POLE2: variants seen among roughly 807,000 people sequenced by gnomAD.
POLE2 encodes DNA polymerase epsilon subunit 2.
In POLE2, 56 loss-of-function variants were observed where a neutral mutation model predicts 79.4. The ratio of observed to expected loss-of-function variants is 0.71; its 90% confidence interval spans 0.57 to 0.88. POLE2 has a LOEUF of 0.88. Ranked by LOEUF, POLE2 falls within the 40% of genes least tolerant of loss-of-function variation. The probability of loss-of-function intolerance (pLI) is 0.00; values close to 1 mark genes in which losing one functional copy is unlikely to be tolerated. For missense variants in POLE2, 598 were observed against 638.9 expected (o/e 0.94, Z 0.69); for synonymous variants, 212 against 214.0 (o/e 0.99, Z 0.08).
intron 3 of POLE2, chr14:49,679,441 A>G (rs961846631): frequency 1.1e-4 from 35 of 304,500 alleles, no homozygotes; most frequent in Non-Finnish European, 1.1e-4. Context: ...ACTCATTTGT[A>G]GCATACAGAA....
At chr14:49,681,030 C>T (rs1387013418) in intron 2 of POLE2, among the ~76,000 whole-genome samples, 2 of 152,140 alleles carry the variant, frequency 1.3e-5, no homozygotes, top group African/African-American at 2.4e-5. Context: ...TCCTGTATCA[C>T]GGAGTATGTT....
Position 49,684,158 on chromosome 14 carries a change from A to G in POLE2, c.69-465T>C, listed in dbSNP as rs1041166564. On this transcript the variant is annotated intron_variant, in intron 1 of 18. Coordinates refer to ENST00000216367, the MANE Select transcript of POLE2 (RefSeq NM_002692.4). ...TCCAATAATCACTGTTTTCAATTGT[A>G]AAATAAGAAAAAAAATAGGCTTGGC... Among the ~76,000 whole-genome samples, 5 of 152,290 alleles carry G rather than the reference A, an allele frequency of 3.3e-5. No individual in the cohort carries two copies. In the South Asian group the frequency reaches 6.2e-4, roughly 19 times the overall value.
At chr14:49,670,850 C>T (rs1885833782) in intron 5 of POLE2, among the ~76,000 whole-genome samples, 1 of 152,166 alleles carries the variant, frequency 6.6e-6, no homozygotes, top group Non-Finnish European at 1.5e-5. Flanking sequence ...AACTGGTGGA[C>T]TTCTAGACTT....
intron 18 of POLE2, among the ~76,000 whole-genome samples, chr14:49,645,016 T>C (rs989415454): frequency 3.8e-5 from 5 of 133,088 alleles, no homozygotes; most frequent in African/African-American, 1.4e-4. Context: ...CACTCTAGCC[T>C]GGGCAACAGA....
intron 3 of POLE2, 121 bp downstream of exon 3, chr14:49,679,604 A>G: frequency 5.4e-6 from 3 of 558,626 alleles, no homozygotes; most frequent in Non-Finnish European, 9.8e-6. Flanking sequence ...AAAGACACAC[A>G]GAAATAACAA....
intron 17 of POLE2, among the ~76,000 whole-genome samples, chr14:49,647,748 G>A (rs978821458): frequency 2.6e-5 from 4 of 152,112 alleles, no homozygotes; most frequent in African/African-American, 9.7e-5. Context: ...ATGAGCCACC[G>A]TGCCCAGCCG....
At chr14:49,657,444 C>CT (rs1371793695) in intron 10 of POLE2, among the ~76,000 whole-genome samples, 4 of 113,578 alleles carry the variant, frequency 3.5e-5, no homozygotes, top group South Asian at 5.7e-4. Flanking sequence ...TTTTTTTTTT[C>CT]TTTTTTTTGA....
chr14:49,650,323 A>G lies in POLE2; in HGVS notation c.1439T>C (p.Ile480Thr). Residue 480 changes from isoleucine to threonine, a missense_variant, in exon 17 of 19, where the codon ATT becomes ACT. Coordinates refer to ENST00000216367, the MANE Select transcript of POLE2 (RefSeq NM_002692.4). Reference sequence around the variant, plus strand: ...AGTGAAAGGATCATATTTGTCTGCAATGACAAGTAGATCGGGCACAGGATA... The same window carrying G: ...AGTGAAAGGATCATATTTGTCTGCAGTGACAAGTAGATCGGGCACAGGATA... ...RVYPVPDLLV[I>T]ADKYDPFTTT... 1.2e-6 allele frequency: 2 copies of G among 1,611,366 alleles called. No homozygotes were observed. The highest frequency in any genetic ancestry group is 1.3e-5 in the African/African-American group (1 of 74,960).
chr14:49,657,043 A>G (rs1884733588), intron 10 of POLE2, among the ~76,000 whole-genome samples: 1 of 150,634 alleles, frequency 6.6e-6, no homozygotes, highest in Non-Finnish European at 1.5e-5. Context: ...AACCTAGGAG[A>G]TGGAGGTTGT....
chr14:49,655,109 A>G lies in POLE2; in HGVS notation c.929-15T>C. On this transcript the variant is annotated splice_polypyrimidine_tract_variant and intron_variant, in intron 11 of 18. Coordinates refer to ENST00000216367, the MANE Select transcript of POLE2 (RefSeq NM_002692.4). The stretch of plus-strand genomic sequence containing the variant: ...TGGTGAATAACCTAAACAATAAAAG[A>G]GTAAATGAACAATACTTTTCTAGTC... 3 of 1,345,898 alleles carry G rather than the reference A, an allele frequency of 2.2e-6. No homozygotes were observed. The highest frequency in any genetic ancestry group is 3.0e-6 in the Non-Finnish European group (3 of 985,878). The allele number at this position is 1,345,898 out of a possible 1,614,324, so 83.4% of individuals were successfully genotyped here.
At chr14:49,685,344 T>C (rs1594626309) in intron 1 of POLE2, among the ~76,000 whole-genome samples, 1 of 152,224 alleles carries the variant, frequency 6.6e-6, no homozygotes, top group Non-Finnish European at 1.5e-5. Context: ...TAGAACTCTG[T>C]GCCATCCTTC....
At position 49,684,883 on chromosome 14, in the gene POLE2, G is replaced by A. The variant is rs1887015485; in HGVS notation, c.69-1190C>T. Among the ~76,000 whole-genome samples, 3 of 151,806 alleles carry A rather than the reference G, an allele frequency of 2.0e-5. No homozygotes were observed. The South Asian group carries it at 6.3e-4, about 32-fold the overall frequency. The stretch of plus-strand genomic sequence containing the variant: ...TCCCAGCTACTTGGGAGGCTGAGGA[G>A]GGAGAACGGAGTGAACCTGAGAGGC... On this transcript the variant is annotated intron_variant, in intron 1 of 18. Coordinates refer to ENST00000216367, the MANE Select transcript of POLE2 (RefSeq NM_002692.4).
intron 5 of POLE2, among the ~76,000 whole-genome samples, chr14:49,671,983 C>T (rs1331971077): frequency 6.6e-6 from 1 of 151,938 alleles, no homozygotes; most frequent in African/African-American, 2.4e-5. Context: ...AAGAAAAAGA[C>T]TGCATCCAAC....
chr14:49,656,494 A>G (rs1042220307), intron 10 of POLE2, among the ~76,000 whole-genome samples: 3 of 152,234 alleles, frequency 2.0e-5, no homozygotes, highest in African/African-American at 7.2e-5. Context: ...CTGCCCAAGT[A>G]ATTCTACTTC....
At chr14:49,687,120 A>C (rs942586861) in intron 1 of POLE2, among the ~76,000 whole-genome samples, 1 of 151,968 alleles carries the variant, frequency 6.6e-6, no homozygotes, top group Non-Finnish European at 1.5e-5. Flanking sequence ...CCCGTCTCTA[A>C]AAAACATACA....
At chr14:49,666,279 C>T (rs746752265) in intron 7 of POLE2, 51 bp downstream of exon 7, 19 of 896,326 alleles carry the variant, frequency 2.1e-5, no homozygotes, top group Admixed American at 4.8e-5. Context: ...ATGTAACCGA[C>T]ATTTCATCAA....
intron 17 of POLE2, among the ~76,000 whole-genome samples, chr14:49,649,429 A>G (rs1335324637): frequency 1.3e-5 from 2 of 149,244 alleles, no homozygotes; most frequent in African/African-American, 2.5e-5. Context: ...TACAGGCGTG[A>G]GCCACCACAC....
chr14:49,683,722 G>A, intron 1 of POLE2, 29 bp from the exon 2 acceptor site: 1 of 1,143,026 alleles, frequency 8.7e-7, no homozygotes, highest in South Asian at 1.3e-5. Flanking sequence ...AAATGAGGCA[G>A]GTCATTAGTA....
chr14:49,671,328 G>A (rs1048905386), intron 5 of POLE2, among the ~76,000 whole-genome samples: 16 of 152,196 alleles, frequency 1.1e-4, no homozygotes, highest in African/African-American at 3.1e-4. Context: ...CATAAAAGAC[G>A]TACTACTGAG....
Sources: gnomAD v4.1 joint callset for allele counts (sites outside exome capture counted in the v4.1 genomes callset) on GRCh38, gnomAD v4.1.1 for gene constraint, MANE v1.5 for transcripts, NCBI Gene and HGNC (gene_info 2026-07-23, HGNC 2026-07-21) for gene names.